Variants in EYS observed in about 807,000 individuals in gnomAD.
EYS encodes the protein protein eyes shut homolog.
EYS carries 250 observed loss-of-function variants against 282.1 expected under a neutral mutation model. The observed-to-expected ratio is 0.89, with a 90% CI of 0.80 to 0.98. The LOEUF is 0.98. EYS is among the 50% of genes least tolerant of loss of function. The pLI is 0.00. For synonymous variants in EYS, 1,355 were observed against 1,282.9 expected (o/e 1.06, Z -1.20); for missense variants, 4,016 against 3,709.0 (o/e 1.08, Z -2.15).
rs1315229261 is a variant in EYS, at chr6:64,285,765, T to C, written c.6191+21205A>G. Among the ~76,000 whole-genome samples the C allele has an allele frequency of 3.3e-5, 5 of 152,022 alleles. No individual in the cohort carries two copies. The South Asian group carries it at 6.2e-4, about 19-fold the overall frequency. On this transcript the variant is annotated intron_variant, in intron 30 of 42. Transcript: ENST00000503581. ...AAAGCCCATTACATGGTGGTGACAA[T>C]AGAAAATGAGGAAGATGCAGAAGTG... is the stretch of plus-strand genomic sequence containing the variant.
At chr6:64,293,201 ATTAT>A (rs926217100) in intron 30 of EYS, among the ~76,000 whole-genome samples, 8 of 152,112 alleles carry the variant, frequency 5.3e-5, no homozygotes, top group Non-Finnish European at 7.4e-5. Context: ...CTTTATTGCT[ATTAT>A]TTAAAGAGTA....
intron 22 of EYS, among the ~76,000 whole-genome samples, chr6:64,682,731 G>A (rs1233807167): frequency 6.6e-6 from 1 of 152,130 alleles, no homozygotes; most frequent in Non-Finnish European, 1.5e-5. Context: ...GTTGAACATC[G>A]CACTTGGCCT....
chr6:65,607,768 G>T (rs1765852311), intron 2 of EYS, among the ~76,000 whole-genome samples: 1 of 151,728 alleles, frequency 6.6e-6, no homozygotes, highest in South Asian at 2.1e-4. Flanking sequence ...ACATTATGCA[G>T]AATTTTCTCC....
At chr6:64,107,271 G>GTGTATA (rs1773049065) in intron 31 of EYS, among the ~76,000 whole-genome samples, 1 of 99,952 alleles carries the variant, frequency 1.0e-5, no homozygotes, top group Non-Finnish European at 2.0e-5. Flanking sequence ...GTGTGTGTGT[G>GTGTATA]TATATATATA....
chr6:64,468,404 G>A (rs1775992476), intron 26 of EYS, among the ~76,000 whole-genome samples: 1 of 152,212 alleles, frequency 6.6e-6, no homozygotes, highest in Non-Finnish European at 1.5e-5. Context: ...ATTGCAAGAA[G>A]TGACTGTTTC....
chr6:64,496,776 C>A (rs532679658), intron 26 of EYS, among the ~76,000 whole-genome samples: 1 of 152,006 alleles, frequency 6.6e-6, no homozygotes, highest in African/African-American at 2.4e-5. Flanking sequence ...GGATGCTAAT[C>A]ATTTTCTTTT....
At chr6:64,826,485 A>T (rs1765059652) in intron 19 of EYS, among the ~76,000 whole-genome samples, 1 of 151,652 alleles carries the variant, frequency 6.6e-6, no homozygotes, top group Non-Finnish European at 1.5e-5. Flanking sequence ...CCACTTATTT[A>T]AAAATCCTCT....
intron 30 of EYS, among the ~76,000 whole-genome samples, chr6:64,284,925 T>C (rs1310924118): frequency 6.6e-6 from 1 of 152,126 alleles, no homozygotes; most frequent in Non-Finnish European, 1.5e-5. Context: ...AACCATTTTT[T>C]CCTATTAGAC....
At chr6:65,305,376 G>A (rs1472699989) in intron 11 of EYS, among the ~76,000 whole-genome samples, 2 of 152,188 alleles carry the variant, frequency 1.3e-5, no homozygotes, top group Non-Finnish European at 2.9e-5. Flanking sequence ...GAAGACAGCT[G>A]CTACCATTAA....
chr6:64,511,401 A>G (rs983604895), intron 26 of EYS, among the ~76,000 whole-genome samples: 4 of 151,742 alleles, frequency 2.6e-5, no homozygotes, highest in South Asian at 2.1e-4. Flanking sequence ...CCTTAGGAGG[A>G]AATCGCAAGA....
chr6:65,391,227 T>A (rs1766016891), intron 7 of EYS, among the ~76,000 whole-genome samples: 1 of 152,108 alleles, frequency 6.6e-6, no homozygotes, highest in African/African-American at 2.4e-5. Context: ...TCCTGTCCCC[T>A]ATAACAATAT....
chr6:64,469,255 ACTC>A (rs1335689934), intron 26 of EYS, among the ~76,000 whole-genome samples: 2 of 151,822 alleles, frequency 1.3e-5, no homozygotes, highest in African/African-American at 4.8e-5. Context: ...CTGCTAAGCA[ACTC>A]TAATAATAAA....
intron 34 of EYS, among the ~76,000 whole-genome samples, chr6:63,994,848 T>C (rs1767763297): frequency 6.6e-6 from 1 of 151,978 alleles, no homozygotes; most frequent in African/African-American, 2.4e-5. Flanking sequence ...TTAAATTGGA[T>C]CTTTGTCTTA....
At chr6:64,997,459 G>C in intron 14 of EYS, 123 bp downstream of exon 14, 1 of 843,402 alleles carries the variant, frequency 1.2e-6, no homozygotes, top group Non-Finnish European at 1.7e-6. Flanking sequence ...CTAACCTTGA[G>C]AAGTAAGCAT....
At chr6:63,895,948 T>A (rs1259866559) in intron 35 of EYS, among the ~76,000 whole-genome samples, 3 of 147,392 alleles carry the variant, frequency 2.0e-5, no homozygotes. Flanking sequence ...AAGCTTTTTA[T>A]AAGCTTGACA....
chr6:64,471,879 C>T (rs1009786000), intron 26 of EYS, among the ~76,000 whole-genome samples: 1 of 152,058 alleles, frequency 6.6e-6, no homozygotes, highest in Non-Finnish European at 1.5e-5. Flanking sequence ...AGATAGAAGA[C>T]ATAAGTTCTA....
At chr6:63,881,944 T>C (rs1018845890) in intron 35 of EYS, among the ~76,000 whole-genome samples, 1 of 152,196 alleles carries the variant, frequency 6.6e-6, no homozygotes, top group Admixed American at 6.5e-5. Flanking sequence ...AGTTGACTAT[T>C]CTATAGGATT....
chr6:64,279,824 G>A (rs1768240688), intron 30 of EYS, among the ~76,000 whole-genome samples: 2 of 151,904 alleles, frequency 1.3e-5, no homozygotes, highest in African/African-American at 4.8e-5. Flanking sequence ...TACAATCTAA[G>A]CAGCTTGTAC....
chr6:63,727,706 CAA>C (rs1169878020), intron 41 of EYS, among the ~76,000 whole-genome samples: 11 of 9,512 alleles, frequency 1.2e-3, no homozygotes, highest in East Asian at 7.5e-3. Flanking sequence ...CACCATCTCT[CAA>C]AAAAAAAAAA....
Sources: allele counts gnomAD v4.1 joint callset (sites outside exome capture counted in the v4.1 genomes callset), GRCh38; gene constraint gnomAD v4.1.1; transcripts MANE v1.5; gene names NCBI Gene and HGNC (gene_info 2026-07-23, HGNC 2026-07-21).